The following LRRTM4 variants were observed in gnomAD, a reference collection of about 807,000 sequenced individuals.
LRRTM4 encodes leucine-rich repeat transmembrane neuronal protein 4.
A neutral mutation model predicts 47.6 loss-of-function variants in LRRTM4; 25 were observed. The ratio of observed to expected loss-of-function variants is 0.53; its 90% CI spans 0.38 to 0.73. The LOEUF (loss-of-function observed/expected upper bound fraction) is 0.73. Ranked by LOEUF, LRRTM4 falls within the 30% of genes least tolerant of loss-of-function variation. The pLI is 0.00. For missense variants in LRRTM4, 638 were observed against 713.4 expected, an observed-to-expected ratio of 0.89 and a Z score of 1.20; for synonymous variants, 311 against 269.5, an observed-to-expected ratio of 1.15 and a Z score of -1.51.
chr2:76,789,089 A>G (rs1465226578), intron 3 of LRRTM4, among the ~76,000 whole-genome samples: 1 of 152,134 alleles, frequency 6.6e-6, no homozygotes, highest in East Asian at 1.9e-4. Flanking sequence ...TAAAAAAAGG[A>G]ACCCTATACT....
At chr2:77,102,209 G>T (rs34312775) in intron 3 of LRRTM4, among the ~76,000 whole-genome samples, 2,034 of 152,156 alleles carry the variant, frequency 0.013, 23 homozygotes, top group South Asian at 0.022. Flanking sequence ...CCACAACCCC[G>T]CACCCTCATG....
chr2:77,113,211 C>T (rs903387416), intron 3 of LRRTM4, among the ~76,000 whole-genome samples: 1 of 152,036 alleles, frequency 6.6e-6, no homozygotes, highest in Admixed American at 6.6e-5. Flanking sequence ...AGCCTGCAGA[C>T]GGGCCTCCTC....
intron 3 of LRRTM4, among the ~76,000 whole-genome samples, chr2:77,326,514 C>T (rs1670781626): frequency 6.6e-6 from 1 of 152,118 alleles, no homozygotes; most frequent in Non-Finnish European, 1.5e-5. Context: ...CCACCTCAGC[C>T]TCCTGAGTAG....
At chr2:77,407,341 G>A (rs1016908444) in intron 3 of LRRTM4, among the ~76,000 whole-genome samples, 1 of 151,670 alleles carries the variant, frequency 6.6e-6, no homozygotes, top group Non-Finnish European at 1.5e-5. Flanking sequence ...TTATATGTAT[G>A]AGATGTAATA....
chr2:77,336,732 A>G (rs913421427), intron 3 of LRRTM4, among the ~76,000 whole-genome samples: 3 of 152,170 alleles, frequency 2.0e-5, no homozygotes, highest in African/African-American at 7.2e-5. Context: ...AATAAGAGCT[A>G]TCAATGACAA....
intron 3 of LRRTM4, among the ~76,000 whole-genome samples, chr2:76,961,261 A>G (rs1461338314): frequency 6.6e-6 from 1 of 151,416 alleles, no homozygotes; most frequent in Non-Finnish European, 1.5e-5. Flanking sequence ...CAGTGAGAGG[A>G]GATGCTGTCA....
At chr2:77,193,245 A>G (rs1673723196) in intron 3 of LRRTM4, among the ~76,000 whole-genome samples, 1 of 152,186 alleles carries the variant, frequency 6.6e-6, no homozygotes, top group Non-Finnish European at 1.5e-5. Flanking sequence ...GGCCATGCCA[A>G]CTATGATTGT....
At chr2:77,021,050 A>C (rs2104102916) in intron 3 of LRRTM4, among the ~76,000 whole-genome samples, 1 of 152,266 alleles carries the variant, frequency 6.6e-6, no homozygotes, top group East Asian at 1.9e-4. Context: ...GGTCCCTGGA[A>C]CAATAAGAAG....
intron 3 of LRRTM4, among the ~76,000 whole-genome samples, chr2:77,309,521 A>C (rs1032700861): frequency 6.6e-6 from 1 of 152,180 alleles, no homozygotes; most frequent in Non-Finnish European, 1.5e-5. Flanking sequence ...AGGCTCACCA[A>C]GACCCTTTGG....
intron 3 of LRRTM4, among the ~76,000 whole-genome samples, chr2:77,138,688 G>A (rs567264475): frequency 1.2e-4 from 18 of 152,120 alleles, no homozygotes; most frequent in East Asian, 3.9e-4. Context: ...CAATGAGCTC[G>A]TTTTTTGAAA....
chr2:77,247,657 C>G (rs1192577558), intron 3 of LRRTM4, among the ~76,000 whole-genome samples: 1 of 152,034 alleles, frequency 6.6e-6, no homozygotes. Flanking sequence ...GTGCTCATTA[C>G]TCTGCCAACA....
intron 3 of LRRTM4, among the ~76,000 whole-genome samples, chr2:77,084,491 G>A (rs1414642237): frequency 1.3e-5 from 2 of 152,124 alleles, no homozygotes; most frequent in East Asian, 1.9e-4. Context: ...ACATAACTAC[G>A]TATCGTACTT....
intron 3 of LRRTM4, among the ~76,000 whole-genome samples, chr2:77,147,973 A>G (rs1489131677): frequency 6.6e-6 from 1 of 152,184 alleles, no homozygotes; most frequent in African/African-American, 2.4e-5. Flanking sequence ...TGTAAAAATT[A>G]TTCAATTTAC....
chr2:77,199,811 G>C (rs1215044863), intron 3 of LRRTM4, among the ~76,000 whole-genome samples: 1 of 151,996 alleles, frequency 6.6e-6, no homozygotes, highest in Non-Finnish European at 1.5e-5. Context: ...ACATAAATCT[G>C]TTTCAAGAAT....
chr2:76,817,531 G>A (rs147451530), intron 3 of LRRTM4, among the ~76,000 whole-genome samples: 2 of 151,938 alleles, frequency 1.3e-5, no homozygotes, highest in Non-Finnish European at 2.9e-5. Flanking sequence ...ATGAAATAAT[G>A]GCTTCAGAAA....
chr2:77,334,995 ACT>A (rs1157912673), intron 3 of LRRTM4, among the ~76,000 whole-genome samples: 1 of 150,642 alleles, frequency 6.6e-6, no homozygotes, highest in Non-Finnish European at 1.5e-5. Context: ...TCTCACTCCC[ACT>A]CTCTACATTC....
intron 3 of LRRTM4, among the ~76,000 whole-genome samples, chr2:76,927,348 A>G (rs556525167): frequency 1.3e-5 from 2 of 152,248 alleles, no homozygotes; most frequent in African/African-American, 4.8e-5. Flanking sequence ...CCTTGAGGGG[A>G]TTAAAAAGCC....
At chr2:76,913,441 C>G (rs749157187) in intron 3 of LRRTM4, among the ~76,000 whole-genome samples, 1 of 151,578 alleles carries the variant, frequency 6.6e-6, no homozygotes, top group South Asian at 2.1e-4. Flanking sequence ...TAATTGGAAA[C>G]CTTTACATTG....
chr2:76,917,683 A>G (rs932187077), intron 3 of LRRTM4, among the ~76,000 whole-genome samples: 2 of 152,194 alleles, frequency 1.3e-5, no homozygotes, highest in Non-Finnish European at 2.9e-5. Context: ...ATGGAAGTAC[A>G]GTAAAAAGTA....
Sources: gnomAD v4.1 joint callset for allele counts (sites outside exome capture counted in the v4.1 genomes callset) on GRCh38, gnomAD v4.1.1 for gene constraint, MANE v1.5 for transcripts, NCBI Gene and HGNC (gene_info 2026-07-23, HGNC 2026-07-21) for gene names.